NAF1: variants seen among roughly 807,000 people sequenced by gnomAD.
NAF1 encodes the protein nuclear assembly factor 1 ribonucleoprotein.
In NAF1, 11 loss-of-function variants were observed where a neutral mutation model predicts 40.6. That is an observed-to-expected ratio of 0.27 (90% CI 0.17 to 0.45). NAF1 has a LOEUF of 0.45. Ranked by LOEUF, NAF1 falls within the 20% of genes least tolerant of loss-of-function variation. The pLI is 1.00. For synonymous variants in NAF1, 260 were observed against 228.5 expected (o/e 1.14, Z -1.24); for missense variants, 607 against 611.1 (o/e 0.99, Z 0.07).
At chr4:163,138,303 T>C (rs187788877) in intron 5 of NAF1, among the ~76,000 whole-genome samples, 142 of 152,244 alleles carry the variant, frequency 9.3e-4, no homozygotes, top group African/African-American at 3.1e-3. Flanking sequence ...ATTTCCTCAA[T>C]TGTCATTTCA....
intron 4 of NAF1, among the ~76,000 whole-genome samples, chr4:163,140,942 T>G (rs1339292359): frequency 1.3e-5 from 2 of 152,242 alleles, no homozygotes; most frequent in Non-Finnish European, 2.9e-5. Context: ...TGGTGCAGCC[T>G]TTAACATTTA....
the NAF1 span, among the ~76,000 whole-genome samples, chr4:163,104,717 G>A: frequency 6.6e-6 from 1 of 152,208 alleles, no homozygotes; most frequent in South Asian, 2.1e-4. Flanking sequence ...AAAGTGATAC[G>A]CTTTACTTTC....
chr4:163,114,477 G>A (rs1314709234), intron 2 of NAF1, among the ~76,000 whole-genome samples: 1 of 152,196 alleles, frequency 6.6e-6, no homozygotes, highest in Non-Finnish European at 1.5e-5. Flanking sequence ...ACACAGGAGT[G>A]GGAGTGCCAA....
intron 2 of NAF1, among the ~76,000 whole-genome samples, chr4:163,114,270 C>G (rs1170100135): frequency 6.6e-6 from 1 of 152,200 alleles, no homozygotes; most frequent in Non-Finnish European, 1.5e-5. Context: ...ACTTAGTAGT[C>G]AGCAGGTCCA....
At chr4:163,105,001 A>C in the NAF1 span, among the ~76,000 whole-genome samples, 1 of 152,238 alleles carries the variant, frequency 6.6e-6, no homozygotes, top group African/African-American at 2.4e-5. Context: ...ACTCAGTACA[A>C]ATCTTTCTTC....
downstream of NAF1, among the ~76,000 whole-genome samples, chr4:163,124,694 C>T (rs1730604972): frequency 6.6e-6 from 1 of 152,138 alleles, no homozygotes; most frequent in Non-Finnish European, 1.5e-5. Context: ...GGAAGGCAAC[C>T]AGACCTAAGT....
chr4:163,163,987 C>T (rs1191455723), intron 2 of NAF1, among the ~76,000 whole-genome samples: 1 of 151,954 alleles, frequency 6.6e-6, no homozygotes, highest in African/African-American at 2.4e-5. Flanking sequence ...GAAGTTGATG[C>T]CATAATCGGA....
intron 4 of NAF1, among the ~76,000 whole-genome samples, chr4:163,145,089 T>TA (rs1195472161): frequency 3.3e-5 from 5 of 152,200 alleles, no homozygotes; most frequent in Non-Finnish European, 7.4e-5. Context: ...AATAAATACT[T>TA]ACTTAGTATT....
chr4:163,107,233 C>T (rs1730062938), downstream of NAF1, among the ~76,000 whole-genome samples: 2 of 152,172 alleles, frequency 1.3e-5, no homozygotes, highest in South Asian at 4.1e-4. Flanking sequence ...GTGATCCGCC[C>T]GCCTTGGCCT....
intron 1 of NAF1, among the ~76,000 whole-genome samples, chr4:163,165,756 T>C (rs1474328116): frequency 6.6e-6 from 1 of 152,144 alleles, no homozygotes; most frequent in Non-Finnish European, 1.5e-5. Flanking sequence ...AGAGATTTCA[T>C]ATTTAAAAGA....
chr4:163,146,207 T>C (rs192674851), intron 3 of NAF1, among the ~76,000 whole-genome samples: 1 of 152,310 alleles, frequency 6.6e-6, no homozygotes, highest in East Asian at 1.9e-4. Flanking sequence ...TCACGTTTAG[T>C]TGTAAAACTG....
intron 2 of NAF1, among the ~76,000 whole-genome samples, chr4:163,154,345 C>A (rs1731877162): frequency 6.6e-6 from 1 of 152,120 alleles, no homozygotes; most frequent in Admixed American, 6.5e-5. Flanking sequence ...AGTCTCGCCC[C>A]AAATACTCCA....
At chr4:163,152,536 T>C (rs1731752664) in intron 2 of NAF1, among the ~76,000 whole-genome samples, 3 of 152,208 alleles carry the variant, frequency 2.0e-5, no homozygotes, top group Non-Finnish European at 4.4e-5. Flanking sequence ...ACTGGAAGAA[T>C]GAAAAGTTTT....
At chr4:163,143,775 G>C (rs1408789098) in intron 4 of NAF1, among the ~76,000 whole-genome samples, 1 of 152,170 alleles carries the variant, frequency 6.6e-6, no homozygotes, top group Non-Finnish European at 1.5e-5. Flanking sequence ...CCAGCTTTGG[G>C]CTAAACTGCC....
At chr4:163,116,358 G>GT (rs1346670080) in intron 2 of NAF1, among the ~76,000 whole-genome samples, 29 of 152,122 alleles carry the variant, frequency 1.9e-4, no homozygotes, top group Non-Finnish European at 3.4e-4. Flanking sequence ...TTATCACTGA[G>GT]TTAACCTTGA....
At chr4:163,107,613 G>A (rs143855060), downstream of NAF1, among the ~76,000 whole-genome samples, 50 of 152,198 alleles carry the variant, frequency 3.3e-4, no homozygotes, top group African/African-American at 1.1e-3. Flanking sequence ...TACATTGCTC[G>A]ACTATTTTAA....
chr4:163,105,487 T>G (rs146426974), downstream of NAF1, among the ~76,000 whole-genome samples: 1 of 152,358 alleles, frequency 6.6e-6, no homozygotes, highest in African/African-American at 2.4e-5. Flanking sequence ...TCTGTGACCC[T>G]TAACTAAAAA....
chr4:163,158,937 A>G (rs1732104337), intron 2 of NAF1, among the ~76,000 whole-genome samples: 2 of 152,096 alleles, frequency 1.3e-5, no homozygotes, highest in South Asian at 2.1e-4. Context: ...CTGACATTCA[A>G]CCATTAACTC....
chr4:163,150,787 A>G (rs1449675633), intron 2 of NAF1, among the ~76,000 whole-genome samples: 2 of 152,138 alleles, frequency 1.3e-5, no homozygotes, highest in African/African-American at 4.8e-5. Flanking sequence ...AATTATTTTA[A>G]GTGGTCCTGA....
Sources: allele counts gnomAD v4.1 joint callset (sites outside exome capture counted in the v4.1 genomes callset), GRCh38; gene constraint gnomAD v4.1.1; transcripts MANE v1.5; gene names NCBI Gene and HGNC (gene_info 2026-07-23, HGNC 2026-07-21).